The following SGCD variants were observed in gnomAD, a reference collection of about 807,000 sequenced individuals.
SGCD encodes the protein delta-sarcoglycan.
SGCD carries 18 observed loss-of-function variants against 36.6 expected under a neutral mutation model. The ratio of observed to expected loss-of-function variants is 0.49; its 90% CI spans 0.34 to 0.73. SGCD has a LOEUF of 0.73. Among genes scored for constraint, SGCD ranks in the 30% least tolerant of loss-of-function variants. The pLI is 0.01. For synonymous variants in SGCD, 133 were observed against 130.6 expected (o/e 1.02, Z -0.12); for missense variants, 387 against 346.7 (o/e 1.12, Z -0.92).
the SGCD span, among the ~76,000 whole-genome samples, chr5:155,774,955 A>G: frequency 1.2e-4 from 18 of 152,256 alleles, no homozygotes; most frequent in East Asian, 2.1e-3. Context: ...TGCTGCACAC[A>G]TTTCAGTAGT....
chr5:156,017,244 A>G (rs147081598), intron 1 of SGCD, among the ~76,000 whole-genome samples: 3 of 152,088 alleles, frequency 2.0e-5, no homozygotes, highest in Non-Finnish European at 4.4e-5. Context: ...TATATATTTG[A>G]GATGACGCTG....
intron 1 of SGCD, among the ~76,000 whole-genome samples, chr5:155,985,256 G>T (rs922037098): frequency 6.6e-6 from 1 of 152,048 alleles, no homozygotes; most frequent in Non-Finnish European, 1.5e-5. Flanking sequence ...GCAGGCCTAG[G>T]CTCTCATCTG....
chr5:155,993,630 C>T (rs1352469306), intron 1 of SGCD, among the ~76,000 whole-genome samples: 1 of 152,172 alleles, frequency 6.6e-6, no homozygotes, highest in Non-Finnish European at 1.5e-5. Context: ...CTGGCATGAG[C>T]CACTGTGCCT....
intron 3 of SGCD, among the ~76,000 whole-genome samples, chr5:156,391,314 A>T (rs113052430): frequency 3.9e-5 from 6 of 152,236 alleles, no homozygotes; most frequent in Non-Finnish European, 7.3e-5. Flanking sequence ...TTGTGTAAGT[A>T]CACGCTATGT....
rs78119935 is a variant in SGCD, at chr5:156,453,322, T to C, written c.193-55279T>C. On this transcript the variant is annotated intron_variant, in intron 3 of 8. Coordinates refer to ENST00000337851, the MANE Select transcript of SGCD (RefSeq NM_000337.6). ...TGTAGAAAACATAAAGGGAACTATA[T>C]TATAAGGTTCAGTTACAGAACTAGC... Among the ~76,000 whole-genome samples the C allele has an allele frequency of 8.9e-3, 1,361 of 152,228 alleles. 21 individuals carry two copies. The highest frequency in any genetic ancestry group is 0.031 in the African/African-American group (1,288 of 41,548).
the SGCD span, among the ~76,000 whole-genome samples, chr5:155,734,549 T>G: frequency 2.0e-5 from 3 of 152,094 alleles, no homozygotes; most frequent in East Asian, 5.8e-4. Flanking sequence ...AATCCAGATC[T>G]CTCCTTTTTA....
chr5:156,731,261 G>T (rs1371275848), intron 7 of SGCD, among the ~76,000 whole-genome samples: 1 of 152,044 alleles, frequency 6.6e-6, no homozygotes, highest in Non-Finnish European at 1.5e-5. Flanking sequence ...TCTTTAATTA[G>T]ATCTCATTTG....
At chr5:156,515,958 C>G (rs1757139132) in intron 4 of SGCD, among the ~76,000 whole-genome samples, 1 of 152,258 alleles carries the variant, frequency 6.6e-6, no homozygotes, top group African/African-American at 2.4e-5. Flanking sequence ...CCTCACCAGG[C>G]AGGGCCTCCC....
At chr5:156,236,304 T>A (rs1214603898) in intron 3 of SGCD, among the ~76,000 whole-genome samples, 1 of 152,184 alleles carries the variant, frequency 6.6e-6, no homozygotes, top group African/African-American at 2.4e-5. Context: ...GCATTTAGTG[T>A]AAGGACAGTA....
At chr5:156,587,656 T>C (rs1430665564) in intron 4 of SGCD, among the ~76,000 whole-genome samples, 1 of 152,106 alleles carries the variant, frequency 6.6e-6, no homozygotes, top group Non-Finnish European at 1.5e-5. Context: ...GAAAAAGACA[T>C]TAGACAGCCC....
At chr5:156,412,352 T>C (rs1258884816) in intron 3 of SGCD, among the ~76,000 whole-genome samples, 2 of 152,260 alleles carry the variant, frequency 1.3e-5, no homozygotes, top group African/African-American at 2.4e-5. Flanking sequence ...GCTGCAGTTG[T>C]ATTTGAATAC....
chr5:156,444,523 T>C (rs539904217), intron 3 of SGCD, among the ~76,000 whole-genome samples: 23 of 152,156 alleles, frequency 1.5e-4, no homozygotes, highest in East Asian at 9.7e-4. Context: ...AGAGGCTTGC[T>C]TTCTTCCGAA....
chr5:156,076,641 C>G (rs531696969), intron 1 of SGCD, among the ~76,000 whole-genome samples: 37 of 152,152 alleles, frequency 2.4e-4, no homozygotes, highest in Non-Finnish European at 5.0e-4. Flanking sequence ...GTTACTATAT[C>G]AGTAGCAGAT....
At chr5:155,922,621 T>C (rs553729330) in intron 1 of SGCD, among the ~76,000 whole-genome samples, 2 of 152,294 alleles carry the variant, frequency 1.3e-5, no homozygotes, top group East Asian at 3.9e-4. Flanking sequence ...TTATATTTGG[T>C]CAATATTTCT....
chr5:156,428,156 A>T (rs1049423403), intron 3 of SGCD, among the ~76,000 whole-genome samples: 1 of 152,076 alleles, frequency 6.6e-6, no homozygotes, highest in East Asian at 1.9e-4. Context: ...CTGTGAATTC[A>T]TCTGGTCCTG....
chr5:156,227,824 G>T (rs1289717774), intron 3 of SGCD, among the ~76,000 whole-genome samples: 3 of 151,958 alleles, frequency 2.0e-5, no homozygotes, highest in African/African-American at 7.3e-5. Flanking sequence ...TCTCCCGGGG[G>T]TTTTGATAGG....
intron 3 of SGCD, among the ~76,000 whole-genome samples, chr5:156,355,243 T>C (rs1240424862): frequency 5.3e-5 from 8 of 152,198 alleles, no homozygotes; most frequent in African/African-American, 1.9e-4. Context: ...TACAACAATT[T>C]TTGCCTTTCC....
chr5:156,222,927 T>C (rs947416683), intron 3 of SGCD, among the ~76,000 whole-genome samples: 2 of 152,142 alleles, frequency 1.3e-5, no homozygotes, highest in Non-Finnish European at 2.9e-5. Context: ...ATTTATTGTT[T>C]TAAAGATGGG....
At chr5:156,370,022 C>G (rs1770298689) in intron 3 of SGCD, among the ~76,000 whole-genome samples, 1 of 152,072 alleles carries the variant, frequency 6.6e-6, no homozygotes, top group Non-Finnish European at 1.5e-5. Context: ...CTTTTCTGCT[C>G]TAAATTGTTA....
Sources: allele counts gnomAD v4.1 joint callset (sites outside exome capture counted in the v4.1 genomes callset), GRCh38; gene constraint gnomAD v4.1.1; transcripts MANE v1.5; gene names NCBI Gene and HGNC (gene_info 2026-07-23, HGNC 2026-07-21).